The following FRMD4A variants were observed in gnomAD, a reference collection of about 807,000 sequenced individuals.
FRMD4A encodes the protein FERM domain containing 4A.
FRMD4A carries 29 observed loss-of-function variants against 129.1 expected under a neutral mutation model. That is an observed-to-expected ratio of 0.22 (90% CI 0.17 to 0.31). The LOEUF is 0.31. Ranked by LOEUF, FRMD4A falls within the 10% of genes least tolerant of loss-of-function variation. The probability of loss-of-function intolerance (pLI) is 1.00; values close to 1 mark genes in which losing one functional copy is unlikely to be tolerated. For missense variants in FRMD4A, 1,272 were observed against 1,375.8 expected (o/e 0.92, Z 1.19); for synonymous variants, 634 against 571.6 (o/e 1.11, Z -1.56).
At chr10:13,900,009 C>G (rs777463219) in intron 2 of FRMD4A, among the ~76,000 whole-genome samples, 5 of 152,122 alleles carry the variant, frequency 3.3e-5, no homozygotes, top group Non-Finnish European at 7.4e-5. Context: ...ATATGTCAAG[C>G]AGGTGTTAAA....
At chr10:13,726,429 C>G (rs2089898926) in intron 12 of FRMD4A, among the ~76,000 whole-genome samples, 1 of 152,186 alleles carries the variant, frequency 6.6e-6, no homozygotes, top group Non-Finnish European at 1.5e-5. Context: ...GACTTTAACT[C>G]AGACTAAAAT....
intron 2 of FRMD4A, among the ~76,000 whole-genome samples, chr10:14,129,407 T>TA (rs56914092): frequency 5.3e-5 from 6 of 112,392 alleles, no homozygotes; most frequent in Non-Finnish European, 8.7e-5. Flanking sequence ...TATATATATA[T>TA]AAAAAATATG....
chr10:13,848,383 A>G (rs541715854), intron 3 of FRMD4A, among the ~76,000 whole-genome samples: 1 of 151,884 alleles, frequency 6.6e-6, no homozygotes, highest in Non-Finnish European at 1.5e-5. Context: ...AATATTGGCA[A>G]TTTCAAATGG....
At chr10:14,196,262 G>A (rs947178620) in intron 2 of FRMD4A, among the ~76,000 whole-genome samples, 3 of 152,112 alleles carry the variant, frequency 2.0e-5, no homozygotes, top group African/African-American at 7.2e-5. Flanking sequence ...GGCTGGGTAA[G>A]ACCAGCTATT....
intron 2 of FRMD4A, among the ~76,000 whole-genome samples, chr10:13,878,822 G>GGTAA (rs1554953628): frequency 2.1e-5 from 3 of 140,774 alleles, no homozygotes; most frequent in Admixed American, 1.5e-4. Flanking sequence ...GAGGGAGGGA[G>GGTAA]GGAAGGAAGG....
At chr10:14,125,731 A>C (rs992224802) in intron 2 of FRMD4A, among the ~76,000 whole-genome samples, 4 of 148,656 alleles carry the variant, frequency 2.7e-5, no homozygotes, top group African/African-American at 1.0e-4. Context: ...AGACACACAC[A>C]CACACACACG....
At chr10:14,321,350 T>C (rs1165069412) in intron 2 of FRMD4A, among the ~76,000 whole-genome samples, 3 of 149,958 alleles carry the variant, frequency 2.0e-5, no homozygotes, top group Non-Finnish European at 4.4e-5. Context: ...TGAATGAATA[T>C]ATATATAATT....
chr10:13,924,666 G>T (rs981038841), intron 2 of FRMD4A, among the ~76,000 whole-genome samples: 1 of 151,920 alleles, frequency 6.6e-6, no homozygotes, highest in African/African-American at 2.4e-5. Context: ...TTTTATATTT[G>T]TTCATTTCCT....
chr10:13,810,209 C>G (rs1481335052), intron 4 of FRMD4A, among the ~76,000 whole-genome samples: 1 of 152,128 alleles, frequency 6.6e-6, no homozygotes. Context: ...TCAGTATACT[C>G]TTTTGATAAC....
intron 2 of FRMD4A, among the ~76,000 whole-genome samples, chr10:13,991,008 G>A (rs1188775382): frequency 2.0e-5 from 3 of 152,142 alleles, no homozygotes; most frequent in African/African-American, 4.8e-5. Context: ...AGGTGCATTC[G>A]GAGCCAGAAT....
At chr10:13,695,195 C>A (rs952063792) in intron 14 of FRMD4A, among the ~76,000 whole-genome samples, 4 of 151,604 alleles carry the variant, frequency 2.6e-5, no homozygotes, top group Non-Finnish European at 5.9e-5. Context: ...GGCTGGAGTG[C>A]AGTGGCCCAG....
chr10:13,860,878 T>A (rs191186633), intron 2 of FRMD4A, among the ~76,000 whole-genome samples: 66 of 152,242 alleles, frequency 4.3e-4, no homozygotes, highest in African/African-American at 1.5e-3. Context: ...TCCCAGGCTC[T>A]AGCGATACTC....
At chr10:14,160,335 T>A (rs905338844) in intron 2 of FRMD4A, among the ~76,000 whole-genome samples, 1 of 151,984 alleles carries the variant, frequency 6.6e-6, no homozygotes, top group South Asian at 2.1e-4. Flanking sequence ...AATTATAAAA[T>A]TACTAGAAGA....
rs1332714675 is a variant in FRMD4A, at chr10:13,962,050, T to C, written c.46-103138A>G. Among the ~76,000 whole-genome samples the C allele has an allele frequency of 5.5e-3, 841 of 151,978 alleles. 13 individuals are homozygous for C. The highest frequency in any genetic ancestry group is 0.019 in the African/African-American group (790 of 41,500). ...GAACAAAAACACACGAATGAATGAATGAATGAATGAATGAATGAATGAATG... is the reference window on the plus strand; with the variant it reads ...GAACAAAAACACACGAATGAATGAACGAATGAATGAATGAATGAATGAATG... On this transcript the variant is annotated intron_variant, in intron 2 of 24. Transcript: ENST00000357447.
At chr10:14,080,964 C>T (rs926268734) in intron 2 of FRMD4A, among the ~76,000 whole-genome samples, 7 of 151,898 alleles carry the variant, frequency 4.6e-5, no homozygotes, top group Admixed American at 2.0e-4. Flanking sequence ...TTGATGGAAC[C>T]GTCATCTCTG....
chr10:13,967,100 G>T (rs922241403), intron 2 of FRMD4A, among the ~76,000 whole-genome samples: 10 of 152,220 alleles, frequency 6.6e-5, no homozygotes, highest in Admixed American at 1.3e-4. Context: ...CACTTCGGAG[G>T]CCGAGGCGGG....
intron 2 of FRMD4A, among the ~76,000 whole-genome samples, chr10:14,180,377 T>TTTTGCATA (rs1208259459): frequency 6.6e-6 from 1 of 152,224 alleles, no homozygotes; most frequent in East Asian, 1.9e-4. Flanking sequence ...TGCCACCCTC[T>TTTTGCATA]CTTTTTCCCC....
chr10:14,035,211 G>C (rs564255679), intron 2 of FRMD4A, among the ~76,000 whole-genome samples: 1 of 152,236 alleles, frequency 6.6e-6, no homozygotes, highest in South Asian at 2.1e-4. Context: ...TCAGGAGTTT[G>C]AGACCACCCT....
chr10:13,679,442 AAAAAAAAAAAAAAAAAAAAT>A (rs2084295337), intron 15 of FRMD4A, among the ~76,000 whole-genome samples: 1 of 50,252 alleles, frequency 2.0e-5, no homozygotes, highest in South Asian at 8.7e-4. Flanking sequence ...AAAAAAAAAA[AAAAAAAAAAAAAAAAAAAAT>A]ATATATATAT....
Sources: allele counts gnomAD v4.1 joint callset (sites outside exome capture counted in the v4.1 genomes callset), GRCh38; gene constraint gnomAD v4.1.1; transcripts MANE v1.5; gene names NCBI Gene and HGNC (gene_info 2026-07-23, HGNC 2026-07-21).